TMEM132D: variants seen among roughly 807,000 people sequenced by gnomAD.
The protein encoded by TMEM132D is mature OL transmembrane protein.
Under a neutral mutation model 62.3 loss-of-function variants are expected in TMEM132D, and 21 were observed. The ratio of observed to expected loss-of-function variants is 0.34; its 90% confidence interval spans 0.24 to 0.49. The LOEUF (loss-of-function observed/expected upper bound fraction) is 0.49, where lower values mean the gene tolerates loss of function less well. Ranked by LOEUF, TMEM132D falls within the 20% of genes least tolerant of loss-of-function variation. TMEM132D has a pLI of 0.99. For missense variants in TMEM132D, 1,346 were observed against 1,402.8 expected (o/e 0.96, Z 0.65); for synonymous variants, 621 against 575.6 (o/e 1.08, Z -1.13).
At chr12:129,810,351 AT>A (rs1240486926) in intron 1 of TMEM132D, among the ~76,000 whole-genome samples, 1 of 152,134 alleles carries the variant, frequency 6.6e-6, no homozygotes, top group Non-Finnish European at 1.5e-5. Flanking sequence ...GTTTTTCCTT[AT>A]TTTAAAAAAA....
chr12:129,252,873 G>A lies in TMEM132D; in HGVS notation c.1300-43210C>T, dbSNP rs1414872381. On this transcript the variant is annotated intron_variant, in intron 4 of 8. Transcript: ENST00000422113. ...ATACTATGCAGCCATAAAAAAGGATGAGTTCATGTCCTTTGTAGGGACATG... is the reference window on the plus strand; with the variant it reads ...ATACTATGCAGCCATAAAAAAGGATAAGTTCATGTCCTTTGTAGGGACATG... Among the ~76,000 whole-genome samples, 4 of 152,070 alleles carry A rather than the reference G, an allele frequency of 2.6e-5. No homozygotes were observed. The East Asian group carries it at 5.8e-4, about 22-fold the overall frequency.
At chr12:129,828,672 G>A (rs113653770) in intron 1 of TMEM132D, among the ~76,000 whole-genome samples, 1 of 63,950 alleles carries the variant, frequency 1.6e-5, no homozygotes, top group African/African-American at 5.3e-5. Flanking sequence ...GGAAGGAAAG[G>A]AAAGAAGGGA....
chr12:129,633,674 C>CGG (rs1323276479), intron 2 of TMEM132D, among the ~76,000 whole-genome samples: 1 of 152,036 alleles, frequency 6.6e-6, no homozygotes, highest in Non-Finnish European at 1.5e-5. Flanking sequence ...GATGGATGGC[C>CGG]GGAGACTCCC....
intron 3 of TMEM132D, among the ~76,000 whole-genome samples, chr12:129,511,745 C>G (rs1875503809): frequency 6.6e-6 from 1 of 152,138 alleles, no homozygotes; most frequent in Admixed American, 6.5e-5. Flanking sequence ...ATATTTCCTC[C>G]TGGGCTGCAA....
chr12:129,671,741 G>A (rs763405350), intron 2 of TMEM132D, among the ~76,000 whole-genome samples: 7 of 152,156 alleles, frequency 4.6e-5, no homozygotes, highest in Non-Finnish European at 8.8e-5. Context: ...TATGGCCCAA[G>A]AGAAGGACAA....
chr12:129,849,438 G>A (rs1234699315), intron 1 of TMEM132D, among the ~76,000 whole-genome samples: 1 of 152,144 alleles, frequency 6.6e-6, no homozygotes, highest in Non-Finnish European at 1.5e-5. Flanking sequence ...GCCTTGAGAT[G>A]CAGTTTGCTC....
intron 2 of TMEM132D, among the ~76,000 whole-genome samples, chr12:129,678,505 A>C (rs1233653119): frequency 1.3e-5 from 2 of 152,064 alleles, no homozygotes; most frequent in Non-Finnish European, 2.9e-5. Flanking sequence ...TTTGCTTTGA[A>C]TTATAGGTTA....
chr12:129,791,987 A>G (rs1414935292), intron 1 of TMEM132D, among the ~76,000 whole-genome samples: 1 of 152,134 alleles, frequency 6.6e-6, no homozygotes, highest in African/African-American at 2.4e-5. Flanking sequence ...AAAGTAACCC[A>G]TCTTTTATTT....
At chr12:129,664,952 T>TTTC (rs1454556527) in intron 2 of TMEM132D, among the ~76,000 whole-genome samples, 6 of 152,148 alleles carry the variant, frequency 3.9e-5, no homozygotes. Context: ...CGAATGTAAA[T>TTTC]GCTATTATCC....
intron 4 of TMEM132D, among the ~76,000 whole-genome samples, chr12:129,310,755 T>C (rs545307596): frequency 1.3e-5 from 2 of 152,044 alleles, no homozygotes; most frequent in Non-Finnish European, 2.9e-5. Flanking sequence ...AGAAGCAATA[T>C]TGATTAGGAA....
At chr12:129,471,315 C>T (rs141930590) in intron 3 of TMEM132D, among the ~76,000 whole-genome samples, 129 of 151,862 alleles carry the variant, frequency 8.5e-4, no homozygotes, top group African/African-American at 2.9e-3. Context: ...GTCTCTGGCA[C>T]ATTTTGATAA....
rs1445578671 is a variant in TMEM132D, at chr12:129,867,838, AG to A, written c.79+35422del. On this transcript the variant is annotated intron_variant, in intron 1 of 8. Coordinates refer to ENST00000422113, the MANE Select transcript of TMEM132D (RefSeq NM_133448.3). This position sits in a 1 kb window ranked among gnomAD's most constrained non-coding sequence, Gnocchi z 4.5. Reference sequence around the variant, plus strand: ...AACCTAGTGAAAAACAACAGTTGACAGGGGCCAGAGATGGGTTGGGGTTGCT... The same window carrying A: ...AACCTAGTGAAAAACAACAGTTGACAGGGCCAGAGATGGGTTGGGGTTGCT... Among the ~76,000 whole-genome samples, 3 of 152,242 alleles carry A rather than the reference AG, an allele frequency of 2.0e-5. No individual in the cohort carries two copies. Among genetic ancestry groups the A allele is most frequent in the African/African-American group, 7.2e-5 (3 of 41,476 alleles).
At chr12:129,399,639 C>CAAAA (rs61117388) in intron 3 of TMEM132D, among the ~76,000 whole-genome samples, 2,445 of 130,788 alleles carry the variant, frequency 0.019, 34 homozygotes, top group East Asian at 0.082. Flanking sequence ...GAGGACGTCT[C>CAAAA]AAAAAAAAAA....
chr12:129,601,799 T>C (rs1878490733), intron 2 of TMEM132D, among the ~76,000 whole-genome samples: 12 of 152,098 alleles, frequency 7.9e-5, no homozygotes, highest in Middle Eastern at 3.2e-3. Context: ...ATATCACGGA[T>C]CACAGATCAC....
intron 3 of TMEM132D, among the ~76,000 whole-genome samples, chr12:129,338,662 C>T (rs1327916936): frequency 6.6e-6 from 1 of 152,134 alleles, no homozygotes; most frequent in African/African-American, 2.4e-5. Flanking sequence ...GAGAGAGGTA[C>T]TTTTTAAAGC....
At chr12:129,120,458 C>G (rs1442152741) in intron 5 of TMEM132D, among the ~76,000 whole-genome samples, 1 of 152,156 alleles carries the variant, frequency 6.6e-6, no homozygotes, top group Non-Finnish European at 1.5e-5. Flanking sequence ...TGAGAAAGCA[C>G]AAGATAGACC....
intron 4 of TMEM132D, among the ~76,000 whole-genome samples, chr12:129,218,181 T>C (rs1879261103): frequency 6.6e-6 from 1 of 152,244 alleles, no homozygotes; most frequent in Non-Finnish European, 1.5e-5. Context: ...GTCCAGCTTT[T>C]AAATTCATCC....
At chr12:129,595,464 C>G (rs1256356474) in intron 2 of TMEM132D, among the ~76,000 whole-genome samples, 4 of 152,196 alleles carry the variant, frequency 2.6e-5, no homozygotes, top group African/African-American at 7.2e-5. Context: ...GGACCTGATC[C>G]TTTACACCTC....
At chr12:129,877,267 C>T (rs1323276225) in intron 1 of TMEM132D, among the ~76,000 whole-genome samples, 11 of 151,590 alleles carry the variant, frequency 7.3e-5, no homozygotes, top group Admixed American at 3.3e-4. Context: ...TCACCATGGC[C>T]GTGGTACAAA....
Sources: gnomAD v4.1 joint callset for allele counts (sites outside exome capture counted in the v4.1 genomes callset) on GRCh38, gnomAD v4.1.1 for gene constraint, Gnocchi (gnomAD v3.1) non-coding constraint, MANE v1.5 for transcripts, NCBI Gene and HGNC (gene_info 2026-07-23, HGNC 2026-07-21) for gene names.